The following SUGCT variants were observed in gnomAD, a reference collection of about 807,000 sequenced individuals.
SUGCT encodes the protein succinyl-CoA:glutarate-CoA transferase.
In SUGCT, 41 loss-of-function variants were observed where a neutral mutation model predicts 55.0. The ratio of observed to expected loss-of-function variants is 0.74; its 90% confidence interval spans 0.58 to 0.97. The LOEUF (loss-of-function observed/expected upper bound fraction) is 0.97, where lower values mean the gene tolerates loss of function less well. Ranked by LOEUF, SUGCT falls within the 50% of genes least tolerant of loss-of-function variation. The pLI is 0.00. For missense variants in SUGCT, 568 were observed against 547.8 expected, an observed-to-expected ratio of 1.04 and a Z score of -0.37; for synonymous variants, 187 against 200.4, an observed-to-expected ratio of 0.93 and a Z score of 0.56.
intron 9 of SUGCT, among the ~76,000 whole-genome samples, chr7:40,407,204 C>T (rs1039177703): frequency 1.3e-5 from 2 of 151,882 alleles, no homozygotes; most frequent in South Asian, 4.1e-4. Context: ...TAAATTTTGC[C>T]GTTCACGTAT....
chr7:40,764,460 A>C (rs1788679957), intron 13 of SUGCT, among the ~76,000 whole-genome samples: 1 of 152,166 alleles, frequency 6.6e-6, no homozygotes, highest in Non-Finnish European at 1.5e-5. Context: ...AGCAGGATTT[A>C]AGCAGAGATG....
At chr7:40,722,245 A>G (rs1786379826) in intron 12 of SUGCT, among the ~76,000 whole-genome samples, 1 of 152,222 alleles carries the variant, frequency 6.6e-6, no homozygotes, top group East Asian at 1.9e-4. Context: ...AAAAAGGCTG[A>G]CAGCTGTGAA....
At chr7:40,676,254 A>G (rs1160905111) in intron 12 of SUGCT, among the ~76,000 whole-genome samples, 1 of 152,214 alleles carries the variant, frequency 6.6e-6, no homozygotes, top group South Asian at 2.1e-4. Flanking sequence ...CATATAGAGT[A>G]TGCTTGGAAA....
intron 7 of SUGCT, among the ~76,000 whole-genome samples, chr7:40,270,961 A>G (rs1457587984): frequency 6.6e-6 from 1 of 151,942 alleles, no homozygotes; most frequent in Non-Finnish European, 1.5e-5. Context: ...TCCTATTATA[A>G]ATTGAATTAC....
intron 9 of SUGCT, among the ~76,000 whole-genome samples, chr7:40,390,234 A>T (rs1405000222): frequency 1.3e-5 from 2 of 152,220 alleles, no homozygotes; most frequent in Non-Finnish European, 2.9e-5. Context: ...CAAGACAGGG[A>T]TGCCGTCTCT....
chr7:40,156,940 G>A (rs1028331324), intron 1 of SUGCT, among the ~76,000 whole-genome samples: 1 of 151,232 alleles, frequency 6.6e-6, no homozygotes, highest in Non-Finnish European at 1.5e-5. Flanking sequence ...GCTTGAACTC[G>A]GGAGGCAGAG....
rs144998999 is a variant in SUGCT, at chr7:40,707,725, A to G, written c.1090-41709A>G. Among the ~76,000 whole-genome samples the G allele has an allele frequency of 2.2e-3, 338 of 152,342 alleles. 1 individual carries two copies. The highest frequency in any genetic ancestry group is 7.4e-3 in the African/African-American group (309 of 41,582). On this transcript the variant is annotated intron_variant, in intron 12 of 13. Coordinates refer to ENST00000335693, the MANE Select transcript of SUGCT (RefSeq NM_001193313.2). ...ATATACCACAACCATCAACATCAGG[A>G]AACTTACAAATGGGAAAATTGAATT... is the stretch of plus-strand genomic sequence containing the variant.
chr7:40,552,284 A>C (rs1795337766), intron 12 of SUGCT, among the ~76,000 whole-genome samples: 1 of 152,164 alleles, frequency 6.6e-6, no homozygotes, highest in Non-Finnish European at 1.5e-5. Flanking sequence ...TTACTGTGGC[A>C]TGAGAGGCCC....
intron 12 of SUGCT, among the ~76,000 whole-genome samples, chr7:40,537,508 C>G (rs1262532507): frequency 6.6e-6 from 1 of 151,880 alleles, no homozygotes; most frequent in Non-Finnish European, 1.5e-5. Flanking sequence ...ATAATTTAAA[C>G]AAAAGAATAA....
intron 8 of SUGCT, among the ~76,000 whole-genome samples, chr7:40,282,073 G>A (rs1792987216): frequency 6.6e-6 from 1 of 152,060 alleles, no homozygotes; most frequent in African/African-American, 2.4e-5. Context: ...TGGGATTACA[G>A]GCATGAGCCA....
intron 6 of SUGCT, among the ~76,000 whole-genome samples, chr7:40,216,930 G>A (rs558221029): frequency 6.6e-6 from 1 of 152,082 alleles, no homozygotes; most frequent in South Asian, 2.1e-4. Context: ...ATCATTACAG[G>A]CAGTCAGGAT....
intron 12 of SUGCT, among the ~76,000 whole-genome samples, chr7:40,551,405 C>T (rs1403960668): frequency 6.6e-6 from 1 of 152,194 alleles, no homozygotes. Context: ...TAAACATACT[C>T]AACCTATACT....
At chr7:40,174,066 A>G (rs968418311) in intron 1 of SUGCT, among the ~76,000 whole-genome samples, 2 of 151,778 alleles carry the variant, frequency 1.3e-5, no homozygotes, top group African/African-American at 4.8e-5. Flanking sequence ...TCTGTCCCCC[A>G]GGCTGGAGTG....
At chr7:40,959,992 T>C in the SUGCT span, among the ~76,000 whole-genome samples, 1 of 152,088 alleles carries the variant, frequency 6.6e-6, no homozygotes, top group African/African-American at 2.4e-5. Context: ...GCTCACCCTC[T>C]ATGGGCTGCA....
chr7:40,481,200 T>C (rs1030688160), intron 11 of SUGCT, among the ~76,000 whole-genome samples: 2 of 152,036 alleles, frequency 1.3e-5, no homozygotes, highest in African/African-American at 4.8e-5. Flanking sequence ...TAACTAGGCA[T>C]GGTGGCGTGC....
At chr7:40,664,905 G>A (rs1436226781) in intron 12 of SUGCT, among the ~76,000 whole-genome samples, 4 of 148,988 alleles carry the variant, frequency 2.7e-5, no homozygotes, top group African/African-American at 7.4e-5. Context: ...GCGTGAACCC[G>A]GGAGGCGTAG....
chr7:40,443,686 G>T (rs1047175939), intron 9 of SUGCT, among the ~76,000 whole-genome samples: 1 of 152,164 alleles, frequency 6.6e-6, no homozygotes, highest in African/African-American at 2.4e-5. Context: ...TGTTCACTCT[G>T]ATGGTAGTTT....
At chr7:40,156,209 A>G (rs1222322374) in intron 1 of SUGCT, among the ~76,000 whole-genome samples, 1 of 152,122 alleles carries the variant, frequency 6.6e-6, no homozygotes, top group African/African-American at 2.4e-5. Flanking sequence ...CACACCTATA[A>G]TCCCAGAACT....
At chr7:40,916,671 A>G in the SUGCT span, among the ~76,000 whole-genome samples, 92 of 152,330 alleles carry the variant, frequency 6.0e-4, no homozygotes, top group Non-Finnish European at 1.1e-3. Flanking sequence ...TGATTTTTCA[A>G]TTACTTAAAA....
Sources: gnomAD v4.1 joint callset for allele counts (sites outside exome capture counted in the v4.1 genomes callset) on GRCh38, gnomAD v4.1.1 for gene constraint, MANE v1.5 for transcripts, NCBI Gene and HGNC (gene_info 2026-07-23, HGNC 2026-07-21) for gene names.